FCRL4: variants seen among roughly 807,000 people sequenced by gnomAD.
The protein encoded by FCRL4 is Fc receptor like 4.
In FCRL4, 43 loss-of-function variants were observed where a neutral mutation model predicts 64.1. The ratio of observed to expected loss-of-function variants is 0.67; its 90% CI spans 0.53 to 0.87. The LOEUF is 0.87. Among genes scored for constraint, FCRL4 ranks in the 40% least tolerant of loss-of-function variants. The pLI is 0.00. For missense variants in FCRL4, 656 were observed against 613.5 expected, an observed-to-expected ratio of 1.07 and a Z score of -0.73; for synonymous variants, 253 against 239.8, an observed-to-expected ratio of 1.05 and a Z score of -0.51.
At chr1:157,591,677 T>C (rs1652843248) in intron 2 of FCRL4, among the ~76,000 whole-genome samples, 1 of 152,182 alleles carries the variant, frequency 6.6e-6, no homozygotes, top group African/African-American at 2.4e-5. Flanking sequence ...ATACTAACCC[T>C]ACATGAAAGT....
At chr1:157,587,629 A>C (rs1652733620) in intron 4 of FCRL4, 69 bp from the exon 5 acceptor site, 1 of 1,515,388 alleles carries the variant, frequency 6.6e-7, no homozygotes, top group African/African-American at 1.4e-5. Flanking sequence ...ACAGGTTTGG[A>C]TGCTCAGTCC....
chr1:157,578,834 G>T lies in FCRL4; in HGVS notation c.1296C>A (p.Gly432=), dbSNP rs1652479435. 6.2e-6 allele frequency: 10 copies of T among 1,613,456 alleles called. No individual in the cohort carries two copies. The highest frequency in any genetic ancestry group is 8.5e-6 in the Non-Finnish European group (10 of 1,179,718). The part of the protein sequence containing the change: ...GDETRLPPAP[G]PGESSHSICP... ...AGATGGAATGGGAGGACTCTCCTGG[G>T]CCTGGAGCGGGAGGGAGCCTGTGAG... is the stretch of plus-strand genomic sequence containing the variant. Residue 432 remains glycine (G), a synonymous_variant, in exon 9 of 12, where the codon GGC becomes GGA. Transcript: ENST00000271532.
intron 8 of FCRL4, 148 bp downstream of exon 8, chr1:157,580,173 C>T: frequency 1.2e-6 from 1 of 850,528 alleles, no homozygotes; most frequent in Non-Finnish European, 1.9e-6. Flanking sequence ...TAGGAAGCTT[C>T]ATTTTTGACA....
At chr1:157,575,847 C>G in intron 10 of FCRL4, 117 bp from the exon 11 acceptor site, 1 of 887,422 alleles carries the variant, frequency 1.1e-6, no homozygotes, top group Non-Finnish European at 1.9e-6. Flanking sequence ...TCATCCCCTC[C>G]ACCTCATCCC....
At chr1:157,581,441 G>A (rs1301311777) in intron 7 of FCRL4, 90 bp downstream of exon 7, 3 of 990,678 alleles carry the variant, frequency 3.0e-6, no homozygotes, top group African/African-American at 3.2e-5. Context: ...AGACTTGGGA[G>A]TGGTGGCCTG....
chr1:157,593,832 G>T (rs961562503), intron 2 of FCRL4, among the ~76,000 whole-genome samples: 1 of 152,050 alleles, frequency 6.6e-6, no homozygotes, highest in Non-Finnish European at 1.5e-5. Context: ...CTTTGTGCCG[G>T]CTAACAACAA....
intron 8 of FCRL4, 27 bp downstream of exon 8, chr1:157,580,294 A>G (rs200401653): frequency 7.4e-6 from 12 of 1,613,818 alleles, no homozygotes; most frequent in Non-Finnish European, 1.0e-5. Context: ...GGAAACTAAA[A>G]AGGAATGGCA....
At chr1:157,595,328 GA>G (rs1652937383) in intron 2 of FCRL4, among the ~76,000 whole-genome samples, 1 of 152,210 alleles carries the variant, frequency 6.6e-6, no homozygotes, top group South Asian at 2.1e-4. Flanking sequence ...ATATTCCTGG[GA>G]AGCACCTGGA....
At chr1:157,589,607 T>A in intron 2 of FCRL4, 149 bp from the exon 3 acceptor site, 3 of 960,938 alleles carry the variant, frequency 3.1e-6, no homozygotes, top group Non-Finnish European at 4.6e-6. Flanking sequence ...AGGTGAGCTG[T>A]GCTCACCTCC....
intron 2 of FCRL4, among the ~76,000 whole-genome samples, chr1:157,589,835 T>C (rs1185859291): frequency 6.6e-6 from 1 of 152,202 alleles, no homozygotes; most frequent in African/African-American, 2.4e-5. Flanking sequence ...CTCTCTAAGA[T>C]GAGTTCTTGT....
At chr1:157,591,741 A>C (rs1476037933) in intron 2 of FCRL4, among the ~76,000 whole-genome samples, 1 of 152,190 alleles carries the variant, frequency 6.6e-6, no homozygotes, top group African/African-American at 2.4e-5. Context: ...ATTCAAGGAT[A>C]ATGCAAATTA....
At chr1:157,578,609 A>G (rs1231391227) in intron 9 of FCRL4, 67 bp from the exon 10 acceptor site, 4 of 1,431,484 alleles carry the variant, frequency 2.8e-6, no homozygotes, top group Non-Finnish European at 3.9e-6. Context: ...GCCTCTTCCT[A>G]AGCATCATCT....
chr1:157,583,809 A>T (rs759501050), intron 6 of FCRL4, among the ~76,000 whole-genome samples: 1 of 152,174 alleles, frequency 6.6e-6, no homozygotes, highest in South Asian at 2.1e-4. Flanking sequence ...TCTCTTTGCT[A>T]TATATTCTCC....
intron 8 of FCRL4, 31 bp from the exon 9 acceptor site, chr1:157,578,883 T>TG: frequency 6.4e-7 from 1 of 1,551,394 alleles, no homozygotes; most frequent in South Asian, 1.2e-5. Flanking sequence ...TAATAATCCC[T>TG]GGAACACTGT....
At chr1:157,593,699 G>A (rs1250718687) in intron 2 of FCRL4, among the ~76,000 whole-genome samples, 3 of 152,186 alleles carry the variant, frequency 2.0e-5, no homozygotes, top group East Asian at 1.9e-4. Flanking sequence ...CTCTACTACC[G>A]TTGTAGAGAA....
chr1:157,586,292 C>G lies in FCRL4; in HGVS notation c.1011G>C (p.Gln337His), dbSNP rs1197873537. The change falls in exon 6 of 12, where the codon CAG (glutamine) becomes CAC (histidine). Residue 337 changes from glutamine (Q) to histidine (H), a missense_variant. Physicochemically the swap from Gln to His is conservative, Grantham distance 24. Transcript: ENST00000271532. ...DMQESLGRKT[Q>H]RSLRAELELP... Reference sequence around the variant, plus strand: ...GCTCCAGCTCTGCTCTCAGGGAACGCTGAGTTTTCCTCCCCAGACTCTCCT... The same window carrying G: ...GCTCCAGCTCTGCTCTCAGGGAACGGTGAGTTTTCCTCCCCAGACTCTCCT... 6.2e-7 allele frequency: 1 copy of G among 1,614,074 alleles called. No individual in the cohort carries two copies. The highest frequency in any genetic ancestry group is 8.5e-7 in the Non-Finnish European group (1 of 1,180,004).
At chr1:157,581,775 C>A (rs571107169) in intron 6 of FCRL4, 131 bp from the exon 7 acceptor site, 1 of 677,192 alleles carries the variant, frequency 1.5e-6, no homozygotes, top group East Asian at 2.8e-5. Flanking sequence ...ATAAAGACAT[C>A]TTGGGCCAGG....
At chr1:157,592,804 C>T (rs1460140017) in intron 2 of FCRL4, among the ~76,000 whole-genome samples, 1 of 152,198 alleles carries the variant, frequency 6.6e-6, no homozygotes, top group Non-Finnish European at 1.5e-5. Context: ...TATTGTGGCA[C>T]TGTTCACGAT....
At chr1:157,588,555 G>T (rs1398809422) in intron 3 of FCRL4, among the ~76,000 whole-genome samples, 2 of 152,224 alleles carry the variant, frequency 1.3e-5, no homozygotes, top group Non-Finnish European at 2.9e-5. Context: ...CACAGTCTAG[G>T]TTGAAGGGAC....
Sources: allele counts gnomAD v4.1 joint callset (sites outside exome capture counted in the v4.1 genomes callset), GRCh38; gene constraint gnomAD v4.1.1; transcripts MANE v1.5; gene names NCBI Gene and HGNC (gene_info 2026-07-23, HGNC 2026-07-21).